FCHSD2: variants seen among roughly 807,000 people sequenced by gnomAD.
FCHSD2 encodes FCH and double SH3 domains 2.
In FCHSD2, 38 loss-of-function variants were observed where a neutral mutation model predicts 108.1. The observed-to-expected ratio is 0.35, with a 90% CI of 0.27 to 0.46. The LOEUF (loss-of-function observed/expected upper bound fraction) is 0.46. FCHSD2 is among the 20% of genes least tolerant of loss of function. The probability of loss-of-function intolerance (pLI) is 1.00; values close to 1 mark genes in which losing one functional copy is unlikely to be tolerated. For missense variants in FCHSD2, 751 were observed against 897.8 expected, an observed-to-expected ratio of 0.84 and a Z score of 2.09; for synonymous variants, 279 against 314.7, an observed-to-expected ratio of 0.89 and a Z score of 1.20.
At chr11:73,070,558 G>T (rs1859410134) in intron 3 of FCHSD2, among the ~76,000 whole-genome samples, 1 of 152,048 alleles carries the variant, frequency 6.6e-6, no homozygotes, top group Non-Finnish European at 1.5e-5. Flanking sequence ...TGAGTAGCTG[G>T]TATTACAGGC....
intron 2 of FCHSD2, among the ~76,000 whole-genome samples, chr11:73,092,973 A>G (rs1166398491): frequency 2.0e-5 from 3 of 152,230 alleles, no homozygotes; most frequent in South Asian, 2.1e-4. Flanking sequence ...ATGTGATTTC[A>G]TCAGGGGTGG....
chr11:72,841,013 CT>C, intron 18 of FCHSD2, 54 bp from the exon 19 acceptor site: 4 of 1,329,854 alleles, frequency 3.0e-6, no homozygotes, highest in Middle Eastern at 1.8e-4. Flanking sequence ...AGCAATAATG[CT>C]GATGCAAGGC....
intron 4 of FCHSD2, among the ~76,000 whole-genome samples, chr11:73,004,407 G>C (rs954988754): frequency 1.3e-5 from 2 of 152,060 alleles, no homozygotes; most frequent in Non-Finnish European, 2.9e-5. Flanking sequence ...TCAATCTTCT[G>C]ATTTCTGACT....
intron 13 of FCHSD2, among the ~76,000 whole-genome samples, chr11:72,861,135 T>C (rs928869423): frequency 2.0e-5 from 3 of 152,116 alleles, no homozygotes; most frequent in African/African-American, 4.8e-5. Flanking sequence ...TAGAGATCCA[T>C]ATAATTAATA....
At chr11:72,909,181 C>T (rs141878044) in intron 9 of FCHSD2, among the ~76,000 whole-genome samples, 2,586 of 152,178 alleles carry the variant, frequency 0.017, 38 homozygotes, top group Non-Finnish European at 0.025. Flanking sequence ...GGATTGCAGG[C>T]ACACGCCGCC....
At chr11:73,038,928 T>C (rs911473919) in intron 3 of FCHSD2, among the ~76,000 whole-genome samples, 7 of 152,198 alleles carry the variant, frequency 4.6e-5, no homozygotes, top group African/African-American at 1.7e-4. Context: ...TAGTGTTCTT[T>C]TTCCAGTACA....
chr11:72,879,197 C>A (rs1392284086), intron 12 of FCHSD2, among the ~76,000 whole-genome samples: 5 of 152,192 alleles, frequency 3.3e-5, no homozygotes, highest in Admixed American at 3.3e-4. Context: ...ATACCCACGG[C>A]ATTAGTATAG....
intron 3 of FCHSD2, among the ~76,000 whole-genome samples, chr11:73,068,851 A>T (rs1177199479): frequency 1.3e-5 from 2 of 150,462 alleles, no homozygotes; most frequent in Admixed American, 6.6e-5. Context: ...AAAAAAAATT[A>T]AAAAAACAAA....
At chr11:73,063,381 T>C (rs1466051915) in intron 3 of FCHSD2, among the ~76,000 whole-genome samples, 2 of 152,144 alleles carry the variant, frequency 1.3e-5, no homozygotes, top group Non-Finnish European at 2.9e-5. Flanking sequence ...CTGCATCAAC[T>C]AATGGTCAAA....
chr11:73,008,029 A>G (rs1382045459), intron 4 of FCHSD2, among the ~76,000 whole-genome samples: 1 of 152,208 alleles, frequency 6.6e-6, no homozygotes, highest in African/African-American at 2.4e-5. Context: ...TACTGGCATC[A>G]CATCTCAAGA....
Position 73,084,393 on chromosome 11 carries a change from C to A in FCHSD2, c.120-653G>T, listed in dbSNP as rs1293776211. 1.3e-5 allele frequency among the ~76,000 whole-genome samples: 2 copies of A among 152,066 alleles called. 1 individual carries two copies. The highest frequency in any genetic ancestry group is 4.8e-5 in the African/African-American group (2 of 41,496). ...ATTCTAAGGTATACCCTTTTCTTTT[C>A]TTTTTTCTTTTTTTAGAGATAGGGT... On this transcript the variant is annotated intron_variant, in intron 2 of 19. Coordinates refer to ENST00000409418, the MANE Select transcript of FCHSD2 (RefSeq NM_014824.3).
At chr11:73,051,976 G>A (rs2135477073) in intron 3 of FCHSD2, among the ~76,000 whole-genome samples, 1 of 151,904 alleles carries the variant, frequency 6.6e-6, no homozygotes, top group Admixed American at 6.6e-5. Context: ...GAAATATTCA[G>A]TGAATCTGCA....
At chr11:73,099,689 C>T (rs1860171789) in intron 2 of FCHSD2, among the ~76,000 whole-genome samples, 1 of 152,242 alleles carries the variant, frequency 6.6e-6, no homozygotes. Flanking sequence ...CGGCGCTCAC[C>T]ACCCTGGTTC....
intron 10 of FCHSD2, among the ~76,000 whole-genome samples, chr11:72,898,042 A>G (rs1855456884): frequency 6.6e-6 from 1 of 152,210 alleles, no homozygotes; most frequent in Non-Finnish European, 1.5e-5. Flanking sequence ...TGAGACAGCT[A>G]TTAAGTTACT....
intron 5 of FCHSD2, among the ~76,000 whole-genome samples, chr11:72,999,467 A>C (rs1204114138): frequency 1.3e-5 from 2 of 151,824 alleles, no homozygotes; most frequent in Non-Finnish European, 2.9e-5. Flanking sequence ...CTACAGGTGC[A>C]CGCCACCACA....
intron 2 of FCHSD2, among the ~76,000 whole-genome samples, chr11:73,085,104 G>A (rs974215882): frequency 6.6e-6 from 1 of 152,058 alleles, no homozygotes; most frequent in African/African-American, 2.4e-5. Flanking sequence ...TATTTGTTTT[G>A]AGTAAATAAT....
chr11:72,922,194 G>A (rs1042518609), intron 8 of FCHSD2, among the ~76,000 whole-genome samples: 6 of 152,140 alleles, frequency 3.9e-5, no homozygotes, highest in African/African-American at 1.4e-4. Flanking sequence ...TGGGAAAACA[G>A]GACACAACTT....
chr11:73,011,087 G>C (rs1457690968), intron 4 of FCHSD2, among the ~76,000 whole-genome samples: 1 of 152,158 alleles, frequency 6.6e-6, no homozygotes, highest in Non-Finnish European at 1.5e-5. Flanking sequence ...CCCCCTAGAG[G>C]AGTATTCAGG....
chr11:73,113,922 C>T (rs1018134599), intron 2 of FCHSD2, among the ~76,000 whole-genome samples: 6 of 152,110 alleles, frequency 3.9e-5, no homozygotes, highest in Non-Finnish European at 1.5e-5. Flanking sequence ...GTTCTCTTTC[C>T]TTACTTTCTC....
Sources: allele counts gnomAD v4.1 joint callset (sites outside exome capture counted in the v4.1 genomes callset), GRCh38; gene constraint gnomAD v4.1.1; transcripts MANE v1.5; gene names NCBI Gene and HGNC (gene_info 2026-07-23, HGNC 2026-07-21).